Variants in MAP1B observed in about 807,000 individuals in gnomAD.
MAP1B encodes microtubule-associated protein 1B.
A neutral mutation model predicts 176.1 loss-of-function variants in MAP1B; 12 were observed. The observed-to-expected ratio is 0.07, with a 90% CI of 0.04 to 0.11. The LOEUF is 0.11. Ranked by LOEUF, MAP1B falls within the 10% of genes least tolerant of loss-of-function variation. The pLI, the probability that MAP1B is intolerant of heterozygous loss-of-function variation, is 1.00. For missense variants in MAP1B, 2,523 were observed against 2,990.5 expected, an observed-to-expected ratio of 0.84 and a Z score of 3.65; for synonymous variants, 1,044 against 1,135.0, an observed-to-expected ratio of 0.92 and a Z score of 1.61.
Position 72,194,522 on chromosome 5 carries a change from C to T in MAP1B, c.1167C>T (p.Asn389=), listed in dbSNP as rs770491025. Residue 389 remains asparagine (N), a synonymous_variant, in exon 5 of 7, where the codon AAC becomes AAT. Coordinates refer to ENST00000296755, the MANE Select transcript of MAP1B (RefSeq NM_005909.5). The surrounding 1 kb of genome is among the most constrained non-coding windows in gnomAD (Gnocchi z 7.2). The part of the protein sequence containing the change: ...EEACFTLQYL[N]KLSMKPEPLF... ...CCTGCTTCACTCTCCAGTACCTAAA[C>T]AAATTGTCCATGAAACCAGAACCTC... 8.1e-6 allele frequency: 13 copies of T among 1,614,010 alleles called. No homozygotes were observed. The highest frequency in any genetic ancestry group is 1.6e-4 in the Middle Eastern group (1 of 6,084).
chr5:72,132,944 T>C (rs755202744), intron 2 of MAP1B, among the ~76,000 whole-genome samples: 3 of 152,090 alleles, frequency 2.0e-5, no homozygotes, highest in Non-Finnish European at 4.4e-5. Flanking sequence ...GGTTCAGCAT[T>C]TGCCAGCAGA....
intron 2 of MAP1B, among the ~76,000 whole-genome samples, chr5:72,133,505 G>A (rs1014821639): frequency 9.2e-5 from 14 of 152,302 alleles, no homozygotes; most frequent in East Asian, 5.8e-4. Flanking sequence ...ATGGTAAAGC[G>A]TGGGGGCCCA....
rs561201125 is a variant in MAP1B at position 72,132,477 on chromosome 5, G to A, written c.286+16678G>A. Reference sequence around the variant, plus strand: ...TCCTCCAACTCATCATTTCCTCTTCGATCTTCTTCTGTGTATTCTAGGAGA... The same window carrying A: ...TCCTCCAACTCATCATTTCCTCTTCAATCTTCTTCTGTGTATTCTAGGAGA... On this transcript the variant is annotated intron_variant, in intron 2 of 6. Transcript: ENST00000296755. 1.3e-4 allele frequency among the ~76,000 whole-genome samples: 20 copies of A among 152,134 alleles called. 1 individual carries two copies. In the South Asian group the frequency reaches 4.2e-3, roughly 32 times the overall value.
Position 72,197,009 on chromosome 5 carries a change from C to T in MAP1B, c.3654C>T (p.Phe1218=). The T allele has an allele frequency of 6.2e-7, 1 of 1,614,194 alleles. No homozygotes were observed. Among genetic ancestry groups the T allele is most frequent in the South Asian group, 1.1e-5 (1 of 91,080 alleles). Residue 1218 remains phenylalanine (F), a synonymous_variant, in exon 5 of 7, where the codon TTC becomes TTT. Coordinates refer to ENST00000296755, the MANE Select transcript of MAP1B (RefSeq NM_005909.5). ...CCTCTTCCATGGAGGAAGACAAATTCAGCAGATCTGCTTTACGTGATGCTT... is the reference window on the plus strand; with the variant it reads ...CCTCTTCCATGGAGGAAGACAAATTTAGCAGATCTGCTTTACGTGATGCTT... ...SPPSSMEEDK[F]SRSALRDAYC... is the part of the protein sequence containing the mutation.
intron 2 of MAP1B, among the ~76,000 whole-genome samples, chr5:72,174,988 T>C (rs1580007723): frequency 1.9e-5 from 2 of 104,210 alleles, no homozygotes; most frequent in Non-Finnish European, 3.8e-5. Context: ...CCTCCTTCCC[T>C]CCCTCCTTCC....
intron 2 of MAP1B, among the ~76,000 whole-genome samples, chr5:72,178,591 C>T (rs1468543672): frequency 6.6e-6 from 1 of 152,226 alleles, no homozygotes; most frequent in Non-Finnish European, 1.5e-5. Context: ...CCCTGCCCCT[C>T]AGTCCTGGTT....
chr5:72,118,741 C>T (rs868868991), intron 2 of MAP1B, among the ~76,000 whole-genome samples: 1 of 152,162 alleles, frequency 6.6e-6, no homozygotes, highest in Non-Finnish European at 1.5e-5. Flanking sequence ...AGCCACCATG[C>T]CCAGCCACAG....
intron 2 of MAP1B, among the ~76,000 whole-genome samples, chr5:72,143,578 G>GT (rs1290417305): frequency 2.6e-5 from 4 of 152,074 alleles, no homozygotes; most frequent in Non-Finnish European, 4.4e-5. Flanking sequence ...ACTGCCAGTA[G>GT]TTTTTTTCTA....
intron 2 of MAP1B, among the ~76,000 whole-genome samples, chr5:72,119,757 C>T (rs1397698628): frequency 3.9e-5 from 6 of 152,162 alleles, no homozygotes; most frequent in Non-Finnish European, 8.8e-5. Context: ...AATCTGTCTG[C>T]CTTGGCCTCA....
intron 4 of MAP1B, among the ~76,000 whole-genome samples, chr5:72,189,912 AGAAGACACAT>A (rs1455738649): frequency 6.6e-6 from 1 of 152,170 alleles, no homozygotes; most frequent in African/African-American, 2.4e-5. Context: ...TTTGAAGCCC[AGAAGACACAT>A]GATGTGACCT....
intron 2 of MAP1B, among the ~76,000 whole-genome samples, chr5:72,173,880 T>G (rs1746597138): frequency 1.3e-5 from 2 of 152,150 alleles, no homozygotes; most frequent in South Asian, 4.1e-4. Flanking sequence ...GTAATCACAG[T>G]ACTTTGGGAG....
intron 2 of MAP1B, among the ~76,000 whole-genome samples, chr5:72,121,486 A>C (rs1745529542): frequency 6.6e-6 from 1 of 152,212 alleles, no homozygotes; most frequent in Non-Finnish European, 1.5e-5. Flanking sequence ...TTTTCCTAGA[A>C]GATAAACGAA....
At chr5:72,174,636 T>C (rs1361642435) in intron 2 of MAP1B, among the ~76,000 whole-genome samples, 1 of 152,176 alleles carries the variant, frequency 6.6e-6, no homozygotes, top group African/African-American at 2.4e-5. Context: ...ACATTTTACA[T>C]GCAGAGGAGG....
intron 2 of MAP1B, among the ~76,000 whole-genome samples, chr5:72,168,745 A>T (rs1414913904): frequency 6.6e-6 from 1 of 152,206 alleles, no homozygotes; most frequent in African/African-American, 2.4e-5. Flanking sequence ...ACCTTGTTTG[A>T]CTTGCTCTTT....
intron 2 of MAP1B, among the ~76,000 whole-genome samples, chr5:72,175,386 A>G (rs1343200634): frequency 6.6e-6 from 1 of 151,966 alleles, no homozygotes; most frequent in Non-Finnish European, 1.5e-5. Flanking sequence ...TAGCTTCTGT[A>G]CTTTGTTGAA....
chr5:72,185,354 A>G (rs1746871757), intron 3 of MAP1B, among the ~76,000 whole-genome samples: 1 of 152,248 alleles, frequency 6.6e-6, no homozygotes, highest in African/African-American at 2.4e-5. Flanking sequence ...TGTTACTAAC[A>G]GAATCGGGAA....
intron 2 of MAP1B, among the ~76,000 whole-genome samples, chr5:72,140,786 G>A (rs1475623796): frequency 1.3e-5 from 2 of 152,142 alleles, no homozygotes; most frequent in African/African-American, 2.4e-5. Flanking sequence ...ACCAACTTTA[G>A]GCAACATGAA....
intron 2 of MAP1B, among the ~76,000 whole-genome samples, chr5:72,176,612 A>T (rs996842124): frequency 6.6e-6 from 1 of 152,212 alleles, no homozygotes; most frequent in Non-Finnish European, 1.5e-5. Flanking sequence ...TGTTCTGGTG[A>T]TGGACTCTCT....
At chr5:72,191,226 A>G (rs901011825) in intron 4 of MAP1B, among the ~76,000 whole-genome samples, 24 of 152,240 alleles carry the variant, frequency 1.6e-4, no homozygotes, top group African/African-American at 5.3e-4. Flanking sequence ...CAGAAGATAT[A>G]TTTCCTGCTA....
Sources: gnomAD v4.1 joint callset for allele counts (sites outside exome capture counted in the v4.1 genomes callset) on GRCh38, gnomAD v4.1.1 for gene constraint, Gnocchi (gnomAD v3.1) non-coding constraint, MANE v1.5 for transcripts, NCBI Gene and HGNC (gene_info 2026-07-23, HGNC 2026-07-21) for gene names.